The following IL1RAPL2 variants were observed in gnomAD, a reference collection of about 807,000 sequenced individuals.
IL1RAPL2 encodes the protein X-linked interleukin-1 receptor accessory protein-like 2.
Under a neutral mutation model 44.1 loss-of-function variants are expected in IL1RAPL2, and 3 were observed. That is an observed-to-expected ratio of 0.07 (90% confidence interval 0.03 to 0.18). The LOEUF (loss-of-function observed/expected upper bound fraction) is 0.18, where lower values mean the gene tolerates loss of function less well. IL1RAPL2 is among the 10% of genes least tolerant of loss of function. The probability of loss-of-function intolerance (pLI) is 1.00; values close to 1 mark genes in which losing one functional copy is unlikely to be tolerated. For missense variants in IL1RAPL2, 391 were observed against 496.4 expected (o/e 0.79, Z 2.02); for synonymous variants, 181 against 178.8 (o/e 1.01, Z -0.10).
chrX:105,528,752 A>G (rs1358082947), intron 6 of IL1RAPL2, among the ~76,000 whole-genome samples: 4 of 111,269 alleles, frequency 3.6e-5, no homozygotes, highest in Non-Finnish European at 5.7e-5. Flanking sequence ...CTACATAACC[A>G]AAATATAACT....
At chrX:105,138,473 C>CAAAAAAAAAAAAAAAA (rs371757842) in intron 2 of IL1RAPL2, among the ~76,000 whole-genome samples, 2 of 54,481 alleles carry the variant, frequency 3.7e-5, no homozygotes, top group African/African-American at 6.9e-5. Flanking sequence ...ATATAATTAC[C>CAAAAAAAAAAAAAAAA]AAAAAAAAAA....
intron 2 of IL1RAPL2, among the ~76,000 whole-genome samples, chrX:104,770,162 G>A (rs1932618304): frequency 9.1e-6 from 1 of 110,435 alleles, no homozygotes; most frequent in Admixed American, 9.7e-5. Context: ...GAATTCACGG[G>A]GCCCCTGTTT....
chrX:105,353,825 A>T lies in IL1RAPL2; in HGVS notation c.697+86284A>T, dbSNP rs1234770670. 2.7e-5 allele frequency among the ~76,000 whole-genome samples: 3 copies of T among 111,146 alleles called. No homozygotes were observed. The Admixed American group carries it at 2.9e-4, about 11-fold the overall frequency. On this transcript the variant is annotated intron_variant, in intron 5 of 10. Transcript: ENST00000372582. Reference sequence around the variant, plus strand: ...TGAAGTTGCCTATCAGCTTAAGGAGATTTTGGGCTGAGGCGATGGGGTTTT... The same window carrying T: ...TGAAGTTGCCTATCAGCTTAAGGAGTTTTTGGGCTGAGGCGATGGGGTTTT...
At chrX:105,424,587 T>TG (rs2035795869) in intron 5 of IL1RAPL2, among the ~76,000 whole-genome samples, 1 of 108,645 alleles carries the variant, frequency 9.2e-6, no homozygotes, top group South Asian at 4.2e-4. Flanking sequence ...ACATTGAATC[T>TG]GGGGATGGGG....
At chrX:104,608,616 G>A (rs1475085544) in intron 1 of IL1RAPL2, among the ~76,000 whole-genome samples, 1 of 92,392 alleles carries the variant, frequency 1.1e-5, no homozygotes, top group African/African-American at 4.1e-5. Flanking sequence ...TTTGATCTTT[G>A]TTGTTTTAAA....
intron 2 of IL1RAPL2, among the ~76,000 whole-genome samples, chrX:104,891,111 A>G (rs1438022994): frequency 1.8e-5 from 2 of 111,098 alleles, no homozygotes; most frequent in Non-Finnish European, 3.8e-5. Flanking sequence ...ATGGTTGTAT[A>G]TGTGTGGTAT....
At chrX:105,158,947 A>G (rs1245663347) in intron 2 of IL1RAPL2, among the ~76,000 whole-genome samples, 4 of 111,501 alleles carry the variant, frequency 3.6e-5, no homozygotes, top group Admixed American at 1.9e-4. Context: ...TGTGCTTTCT[A>G]CTGACCATCT....
intron 6 of IL1RAPL2, among the ~76,000 whole-genome samples, chrX:105,573,174 G>A (rs2037027184): frequency 1.8e-5 from 2 of 110,662 alleles, no homozygotes; most frequent in Non-Finnish European, 3.8e-5. Context: ...TCCTCCCACC[G>A]CAGTCTCATG....
chrX:105,139,116 C>T (rs914315383), intron 2 of IL1RAPL2, among the ~76,000 whole-genome samples: 5 of 111,741 alleles, frequency 4.5e-5, no homozygotes, highest in African/African-American at 9.8e-5. Context: ...ACAGCACTTC[C>T]GCCTGCTCCT....
chrX:105,085,976 A>C (rs1320692688), intron 2 of IL1RAPL2, among the ~76,000 whole-genome samples: 1 of 111,638 alleles, frequency 9.0e-6, no homozygotes, highest in Non-Finnish European at 1.9e-5. Flanking sequence ...TCATCTTTAC[A>C]TTAAGTAGGC....
intron 2 of IL1RAPL2, among the ~76,000 whole-genome samples, chrX:105,046,062 A>G (rs1477832944): frequency 1.8e-5 from 2 of 111,611 alleles, no homozygotes; most frequent in African/African-American, 6.5e-5. Flanking sequence ...AAGAGAAAAC[A>G]TTAAGACTTC....
intron 2 of IL1RAPL2, among the ~76,000 whole-genome samples, chrX:105,134,411 T>G (rs1224508760): frequency 8.9e-6 from 1 of 112,314 alleles, no homozygotes; most frequent in African/African-American, 3.2e-5. Context: ...AAATATTTAC[T>G]CATTGCCAAT....
chrX:105,474,680 C>T (rs1473132803), intron 5 of IL1RAPL2, among the ~76,000 whole-genome samples: 1 of 111,880 alleles, frequency 8.9e-6, no homozygotes, highest in Non-Finnish European at 1.9e-5. Flanking sequence ...ATCGAATTTT[C>T]ATCCCATTCT....
At chrX:104,795,370 T>A (rs746364136) in intron 2 of IL1RAPL2, among the ~76,000 whole-genome samples, 1 of 110,696 alleles carries the variant, frequency 9.0e-6, no homozygotes, top group Non-Finnish European at 1.9e-5. Context: ...TTTGTTTTCA[T>A]GAAGGAAAAA....
intron 6 of IL1RAPL2, among the ~76,000 whole-genome samples, chrX:105,535,246 T>A (rs779771963): frequency 8.9e-6 from 1 of 111,740 alleles, no homozygotes; most frequent in South Asian, 3.7e-4. Flanking sequence ...ATTAAAGTGA[T>A]CGCGAGACCC....
chrX:105,060,467 G>A (rs2032057568), intron 2 of IL1RAPL2, among the ~76,000 whole-genome samples: 1 of 110,882 alleles, frequency 9.0e-6, no homozygotes, highest in African/African-American at 3.3e-5. Flanking sequence ...TGGTCATGAC[G>A]TATGATCTTC....
chrX:104,630,195 T>C (rs991481524), intron 1 of IL1RAPL2, among the ~76,000 whole-genome samples: 10 of 105,705 alleles, frequency 9.5e-5, no homozygotes, highest in Admixed American at 2.1e-4. Context: ...TCACCAGGGC[T>C]GGAGTACAGT....
intron 6 of IL1RAPL2, among the ~76,000 whole-genome samples, chrX:105,485,165 T>C (rs752876014): frequency 8.9e-6 from 1 of 111,937 alleles, no homozygotes; most frequent in East Asian, 2.8e-4. Flanking sequence ...GAGAACTGAG[T>C]AAATATGCTT....
intron 2 of IL1RAPL2, among the ~76,000 whole-genome samples, chrX:104,992,203 C>T (rs2030675031): frequency 1.8e-5 from 2 of 110,879 alleles, no homozygotes. Flanking sequence ...ACCTTGGAAA[C>T]AGCAGGAAAC....
Sources: allele counts gnomAD v4.1 joint callset (sites outside exome capture counted in the v4.1 genomes callset), GRCh38; gene constraint gnomAD v4.1.1; transcripts MANE v1.5; gene names NCBI Gene and HGNC (gene_info 2026-07-23, HGNC 2026-07-21).